Variants in CNTNAP2 observed in about 807,000 individuals in gnomAD.
CNTNAP2 encodes contactin-associated protein-like 2.
Under a neutral mutation model 155.2 loss-of-function variants are expected in CNTNAP2, and 98 were observed. That is an observed-to-expected ratio of 0.63 (90% confidence interval 0.54 to 0.75). The LOEUF (loss-of-function observed/expected upper bound fraction) is 0.75. Among genes scored for constraint, CNTNAP2 ranks in the 30% least tolerant of loss-of-function variants. The probability of loss-of-function intolerance (pLI) is 0.00; values close to 1 mark genes in which losing one functional copy is unlikely to be tolerated. For missense variants in CNTNAP2, 1,727 were observed against 1,688.1 expected, an observed-to-expected ratio of 1.02 and a Z score of -0.40; for synonymous variants, 651 against 631.2, an observed-to-expected ratio of 1.03 and a Z score of -0.47.
chr7:147,902,778 TTGTGTGTGTGTGTG>T (rs564991239), intron 13 of CNTNAP2, among the ~76,000 whole-genome samples: 22 of 136,728 alleles, frequency 1.6e-4, no homozygotes, highest in Non-Finnish European at 2.9e-4. Context: ...TCATATATGT[TTGTGTGTGTGTGTG>T]TGTGTGTGTG....
intron 2 of CNTNAP2, among the ~76,000 whole-genome samples, chr7:146,806,746 T>G (rs1049029464): frequency 4.4e-4 from 67 of 152,216 alleles, no homozygotes; most frequent in African/African-American, 1.6e-3. Context: ...AAAATGCCCT[T>G]CATCTGGTCC....
chr7:148,229,045 T>G (rs1012226652), intron 19 of CNTNAP2, among the ~76,000 whole-genome samples: 3 of 152,132 alleles, frequency 2.0e-5, no homozygotes, highest in African/African-American at 7.2e-5. Flanking sequence ...AATCCCAACT[T>G]GGATCATTTA....
intron 1 of CNTNAP2, among the ~76,000 whole-genome samples, chr7:146,654,956 G>GA (rs1485466037): frequency 6.6e-6 from 1 of 151,898 alleles, no homozygotes; most frequent in Non-Finnish European, 1.5e-5. Flanking sequence ...TAATCTCTTA[G>GA]AAAAAATAAA....
intron 1 of CNTNAP2, among the ~76,000 whole-genome samples, chr7:146,638,472 G>GTTTTTTTTTTT (rs1554460106): frequency 3.0e-5 from 3 of 100,136 alleles, no homozygotes; most frequent in East Asian, 7.9e-4. Flanking sequence ...ACAGTCAGGT[G>GTTTTTTTTTTT]TTTCTTTTTT....
At position 146,722,749 on chromosome 7, in the gene CNTNAP2, G is replaced by A. The variant is rs114980971; in HGVS notation, c.98-51522G>A. On this transcript the variant is annotated intron_variant, in intron 1 of 23. Transcript: ENST00000361727. The stretch of plus-strand genomic sequence containing the variant: ...ATATACACGTTGGCGAGGTGCAGTC[G>A]CTCACGCCTGTAATCCCAGCACTTT... Among the ~76,000 whole-genome samples, 680 of 152,014 alleles carry A rather than the reference G, an allele frequency of 4.5e-3. 4 individuals carry two copies. Among genetic ancestry groups the A allele is most frequent in the African/African-American group, 0.015 (639 of 41,430 alleles).
At chr7:146,242,000 T>A (rs1198698149) in intron 1 of CNTNAP2, among the ~76,000 whole-genome samples, 1 of 152,182 alleles carries the variant, frequency 6.6e-6, no homozygotes, top group African/African-American at 2.4e-5. Flanking sequence ...AGCATATGAC[T>A]TGGGAAAATT....
At chr7:147,629,359 C>T (rs1384207353) in intron 12 of CNTNAP2, among the ~76,000 whole-genome samples, 1 of 151,350 alleles carries the variant, frequency 6.6e-6, no homozygotes, top group Non-Finnish European at 1.5e-5. Flanking sequence ...GTTGAGATTG[C>T]ACCACTGCAC....
chr7:148,136,039 GGGA>G (rs1804939987), intron 16 of CNTNAP2, among the ~76,000 whole-genome samples: 1 of 88,900 alleles, frequency 1.1e-5, no homozygotes, highest in Non-Finnish European at 2.3e-5. Context: ...GAGGGAGGGA[GGGA>G]GGGAGGGGAA....
At chr7:146,263,276 A>AG (rs199520799) in intron 1 of CNTNAP2, among the ~76,000 whole-genome samples, 6 of 139,808 alleles carry the variant, frequency 4.3e-5, no homozygotes, top group East Asian at 4.1e-4. Flanking sequence ...GGAGGGAGGG[A>AG]GGAAGGAAGG....
At chr7:146,279,062 G>C (rs1800208694) in intron 1 of CNTNAP2, among the ~76,000 whole-genome samples, 1 of 152,092 alleles carries the variant, frequency 6.6e-6, no homozygotes, top group Admixed American at 6.5e-5. Context: ...AAGATATGCT[G>C]TCTTCACTGT....
At chr7:146,964,912 C>T (rs1016496503) in intron 3 of CNTNAP2, among the ~76,000 whole-genome samples, 5 of 109,982 alleles carry the variant, frequency 4.5e-5, no homozygotes, top group African/African-American at 8.9e-5. Flanking sequence ...TTGACCAACC[C>T]CTAATGTAGA....
intron 3 of CNTNAP2, among the ~76,000 whole-genome samples, chr7:146,927,715 G>A (rs1024895807): frequency 8.6e-5 from 13 of 151,654 alleles, no homozygotes; most frequent in African/African-American, 3.1e-4. Context: ...ACTTTTCTTG[G>A]TCCTAACCCT....
At chr7:147,610,888 G>C (rs530726156) in intron 12 of CNTNAP2, among the ~76,000 whole-genome samples, 3 of 151,990 alleles carry the variant, frequency 2.0e-5, no homozygotes, top group Admixed American at 6.6e-5. Context: ...ACAGGTGCAC[G>C]TCATCATGCC....
chr7:146,492,477 G>A (rs934981960), intron 1 of CNTNAP2, among the ~76,000 whole-genome samples: 6 of 152,084 alleles, frequency 3.9e-5, no homozygotes, highest in Non-Finnish European at 8.8e-5. Flanking sequence ...GTTCTTCCTT[G>A]GAGTTGTTAT....
At chr7:147,378,779 C>T (rs998071546) in intron 9 of CNTNAP2, among the ~76,000 whole-genome samples, 2 of 151,988 alleles carry the variant, frequency 1.3e-5, no homozygotes, top group Admixed American at 1.3e-4. Context: ...ATAACTAATG[C>T]GTTTTTAATT....
chr7:146,317,534 G>C (rs984492028), intron 1 of CNTNAP2, among the ~76,000 whole-genome samples: 22 of 152,260 alleles, frequency 1.4e-4, no homozygotes, highest in African/African-American at 3.9e-4. Context: ...GGAAACTACT[G>C]ATTTCGTCTC....
At chr7:147,270,410 A>G (rs1383008163) in intron 8 of CNTNAP2, among the ~76,000 whole-genome samples, 2 of 152,226 alleles carry the variant, frequency 1.3e-5, no homozygotes, top group African/African-American at 4.8e-5. Flanking sequence ...TACTTTGGAT[A>G]TTGGGTAAAA....
chr7:146,742,744 A>AT (rs890439226), intron 1 of CNTNAP2, among the ~76,000 whole-genome samples: 11 of 152,212 alleles, frequency 7.2e-5, no homozygotes, highest in African/African-American at 2.7e-4. Flanking sequence ...AAGATGACTG[A>AT]TATACACAGT....
chr7:147,717,786 C>T (rs867068675), intron 13 of CNTNAP2, among the ~76,000 whole-genome samples: 2 of 151,866 alleles, frequency 1.3e-5, no homozygotes, highest in African/African-American at 2.4e-5. Context: ...GCTCAAGAGG[C>T]GGAGGTGGGA....
Sources: allele counts gnomAD v4.1 joint callset (sites outside exome capture counted in the v4.1 genomes callset), GRCh38; gene constraint gnomAD v4.1.1; transcripts MANE v1.5; gene names NCBI Gene and HGNC (gene_info 2026-07-23, HGNC 2026-07-21).